The following DCAF1 variants were observed in gnomAD, a reference collection of about 807,000 sequenced individuals.
DCAF1 encodes DDB1 and CUL4 associated factor 1.
DCAF1 carries 15 observed loss-of-function variants against 128.0 expected under a neutral mutation model. The observed-to-expected ratio is 0.12, with a 90% CI of 0.08 to 0.18. The LOEUF is 0.18. Ranked by LOEUF, DCAF1 falls within the 10% of genes least tolerant of loss-of-function variation. The pLI is 1.00. For missense variants in DCAF1, 988 were observed against 1,649.5 expected, an observed-to-expected ratio of 0.60 and a Z score of 6.95; for synonymous variants, 610 against 603.0, an observed-to-expected ratio of 1.01 and a Z score of -0.17.
chr3:51,438,065 T>G, intron 9 of DCAF1: 1 of 437,064 alleles, frequency 2.3e-6, no homozygotes, highest in Non-Finnish European at 4.5e-6. Context: ...TTATTACATA[T>G]TCATTCATTC....
intron 6 of DCAF1, among the ~76,000 whole-genome samples, chr3:51,461,124 A>G (rs1164693621): frequency 6.6e-6 from 1 of 151,672 alleles, no homozygotes; most frequent in Non-Finnish European, 1.5e-5. Flanking sequence ...GTGAACAGGC[A>G]ACCTACAGAA....
In DCAF1 at chr3:51,420,717, T is replaced by C. The variant is rs1170846641; in HGVS notation, c.2253A>G (p.Ala751=). 2 of 1,613,966 alleles carry C rather than the reference T, an allele frequency of 1.2e-6. No individual in the cohort carries two copies. The highest frequency in any genetic ancestry group is 1.3e-5 in the African/African-American group (1 of 74,950). The change falls in exon 15 of 25, where the codon GCA becomes GCG. Residue 751 remains alanine, a synonymous_variant. Coordinates refer to ENST00000684031, the MANE Select transcript of DCAF1 (RefSeq NM_001387579.1). The surrounding 1 kb of genome is among the most constrained non-coding windows in gnomAD (Gnocchi z 6.5). ...TGCAGGCCAGGGCCCGGATTTGGTCTGCATCTGTGATGGGCATCTTAATGG... is the reference window on the plus strand; with the variant it reads ...TGCAGGCCAGGGCCCGGATTTGGTCCGCATCTGTGATGGGCATCTTAATGG... ...LLSIKMPITD[A]DQIRALACKA... is the part of the protein sequence containing the mutation.
intron 4 of DCAF1, 122 bp from the exon 5 acceptor site, chr3:51,466,998 A>T (rs1175785449): frequency 1.4e-6 from 1 of 732,736 alleles, no homozygotes; most frequent in Non-Finnish European, 2.3e-6. Context: ...AGCAAAAATA[A>T]TCAGAAACAA....
chr3:51,480,713 C>A (rs1351166400), intron 3 of DCAF1, among the ~76,000 whole-genome samples: 1 of 151,882 alleles, frequency 6.6e-6, no homozygotes, highest in Non-Finnish European at 1.5e-5. Flanking sequence ...TGATGTGATG[C>A]CATTTACAGT....
intron 17 of DCAF1, 144 bp downstream of exon 17, chr3:51,417,972 T>A: frequency 9.9e-7 from 1 of 1,014,850 alleles, no homozygotes; most frequent in Non-Finnish European, 1.4e-6. Context: ...TTATTAAACA[T>A]GAGTCTTAGA....
At chr3:51,416,895 T>C (rs956299657) in intron 17 of DCAF1, 24 bp from the exon 18 acceptor site, 1 of 1,592,118 alleles carries the variant, frequency 6.3e-7, no homozygotes, top group Non-Finnish European at 8.6e-7. Flanking sequence ...ACAGGAGCAC[T>C]GAAGTGACAG....
At chr3:51,440,912 A>G in intron 9 of DCAF1, 58 bp downstream of exon 9, 8 of 1,382,458 alleles carry the variant, frequency 5.8e-6, no homozygotes, top group Non-Finnish European at 7.0e-6. Context: ...TCTTAAATTT[A>G]AAAAAAAACA....
At chr3:51,410,543 G>A (rs1553628153) in intron 23 of DCAF1, among the ~76,000 whole-genome samples, 1 of 90,670 alleles carries the variant, frequency 1.1e-5, no homozygotes, top group Non-Finnish European at 2.5e-5. Flanking sequence ...TGCTTAGTCA[G>A]TACTAAGTCC....
intron 23 of DCAF1, among the ~76,000 whole-genome samples, chr3:51,406,972 T>A (rs1376549532): frequency 2.0e-5 from 3 of 152,152 alleles, no homozygotes; most frequent in African/African-American, 7.2e-5. Context: ...GGCGGGTGGA[T>A]CACCTGAGGT....
chr3:51,472,534 G>A (rs1212741129), intron 3 of DCAF1, among the ~76,000 whole-genome samples: 6 of 151,950 alleles, frequency 3.9e-5, no homozygotes, highest in African/African-American at 7.3e-5. Context: ...CTATAGGCAC[G>A]CAACACTGTG....
intron 6 of DCAF1, among the ~76,000 whole-genome samples, chr3:51,461,874 G>GAC (rs1703624307): frequency 6.6e-6 from 1 of 151,986 alleles, no homozygotes; most frequent in African/African-American, 2.4e-5. Flanking sequence ...AGAACACATG[G>GAC]ACACAGGAAG....
At chr3:51,499,713 C>G (rs1553663301) in intron 1 of DCAF1, among the ~76,000 whole-genome samples, 160 bp downstream of exon 1, 1 of 151,632 alleles carries the variant, frequency 6.6e-6, no homozygotes, top group African/African-American at 2.4e-5. Flanking sequence ...AGGCCCCGGG[C>G]CCAGCCTCCC....
intron 4 of DCAF1, among the ~76,000 whole-genome samples, chr3:51,469,221 A>ATTTTTTTTTTT (rs781851604): frequency 8.6e-6 from 1 of 116,722 alleles, no homozygotes; most frequent in African/African-American, 3.5e-5. Flanking sequence ...CCACACACAA[A>ATTTTTTTTTTT]TTTTTTTTTT....
chr3:51,458,320 C>T (rs1703149819), intron 6 of DCAF1, among the ~76,000 whole-genome samples: 1 of 152,040 alleles, frequency 6.6e-6, no homozygotes, highest in Non-Finnish European at 1.5e-5. Flanking sequence ...ACAAAAAAGG[C>T]CATTACATAA....
intron 17 of DCAF1, 99 bp from the exon 18 acceptor site, chr3:51,416,970 C>T (rs1698940625): frequency 3.3e-6 from 5 of 1,514,048 alleles, no homozygotes; most frequent in South Asian, 1.2e-5. Flanking sequence ...TGCACAATCA[C>T]ACTCACCTAA....
intron 2 of DCAF1, among the ~76,000 whole-genome samples, chr3:51,487,007 CG>C (rs1707050294): frequency 7.0e-6 from 1 of 143,396 alleles, no homozygotes; most frequent in Non-Finnish European, 1.5e-5. Flanking sequence ...CACACTCTGT[CG>C]CCAGGCTGGA....
chr3:51,443,126 A>T (rs1701523323), intron 7 of DCAF1, among the ~76,000 whole-genome samples: 1 of 152,158 alleles, frequency 6.6e-6, no homozygotes, highest in Admixed American at 6.6e-5. Flanking sequence ...TGGATATTAT[A>T]AGTGTTCACA....
chr3:51,460,256 A>G (rs1447667443), intron 6 of DCAF1, among the ~76,000 whole-genome samples: 2 of 152,188 alleles, frequency 1.3e-5, no homozygotes, highest in Non-Finnish European at 2.9e-5. Context: ...ATTCTTATAC[A>G]CCAATAACAC....
At position 51,481,521 on chromosome 3, in the gene DCAF1, A is replaced by G. The variant is rs138959468; in HGVS notation, c.110+2198T>C. The stretch of plus-strand genomic sequence containing the variant: ...AGCCTGGCCAACATGGCAAAACCCT[A>G]TCTCTACTAAAAAAAACAGAAAAAT... On this transcript the variant is annotated intron_variant, in intron 3 of 24. Coordinates refer to ENST00000684031, the MANE Select transcript of DCAF1 (RefSeq NM_001387579.1). Among the ~76,000 whole-genome samples, 82 of 151,786 alleles carry G rather than the reference A, an allele frequency of 5.4e-4. No homozygotes were observed. In the East Asian group the frequency reaches 0.014, roughly 26 times the overall value.
Sources: allele counts gnomAD v4.1 joint callset (sites outside exome capture counted in the v4.1 genomes callset), GRCh38; gene constraint gnomAD v4.1.1; non-coding constraint Gnocchi (gnomAD v3.1); transcripts MANE v1.5; gene names NCBI Gene and HGNC (gene_info 2026-07-23, HGNC 2026-07-21).